MUC6: variants seen among roughly 807,000 people sequenced by gnomAD.
MUC6 encodes the protein mucin 6, oligomeric mucus/gel-forming (gene/pseudogene), also known as mucin-6.
MUC6 carries 188 observed loss-of-function variants against 201.5 expected under a neutral mutation model. The ratio of observed to expected loss-of-function variants is 0.93; its 90% confidence interval spans 0.83 to 1.05. MUC6 has a LOEUF of 1.05. Among genes scored for constraint, MUC6 ranks in the 50% least tolerant of loss-of-function variants. MUC6 has a pLI of 0.00. For synonymous variants in MUC6, 1,228 were observed against 1,389.4 expected (o/e 0.88, Z 2.58); for missense variants, 2,706 against 3,256.9 (o/e 0.83, Z 4.12).
At position 1,013,332 on chromosome 11, in the gene MUC6, A is replaced by C; in HGVS notation, c.*124T>G. Reference sequence around the variant, plus strand: ...GCCCCAGGGAGCCACGGCCCAGGGCACTTGGGGGCCAGGCCTGGTGACCAG... The same window carrying C: ...GCCCCAGGGAGCCACGGCCCAGGGCCCTTGGGGGCCAGGCCTGGTGACCAG... On this transcript the variant is annotated 3_prime_UTR_variant, in exon 33 of 33. Transcript: ENST00000421673. The C allele has an allele frequency of 9.4e-7, 1 of 1,067,568 alleles. No individual in the cohort carries two copies. The highest frequency in any genetic ancestry group is 1.3e-6 in the Non-Finnish European group (1 of 755,934). 66.1% of individuals were successfully genotyped at this position (1,067,568 alleles called of 1,614,324 possible).
In MUC6 at chr11:1,028,678, GT is replaced by G. The variant is rs1156950883; in HGVS notation, c.1558del (p.Thr520LeufsTer61). On this transcript the variant is annotated frameshift_variant, in exon 13 of 33. Coordinates refer to ENST00000421673, the MANE Select transcript of MUC6 (RefSeq NM_005961.3). LOFTEE classifies it high-confidence loss of function. ...QLRPIFQAYV[T>X]VGPQFRGQTR... Reference sequence around the variant, plus strand: ...CTGACCTCTGAACTGGGGCCCAACAGTGACATAGGCCTGGAAGATGGGGCGC... The same window carrying G: ...CTGACCTCTGAACTGGGGCCCAACAGGACATAGGCCTGGAAGATGGGGCGC... The G allele has an allele frequency of 1.2e-6, 2 of 1,610,386 alleles. No individual in the cohort carries two copies. Among genetic ancestry groups the G allele is most frequent in the African/African-American group, 2.7e-5 (2 of 74,908 alleles).
chr11:1,030,171 C>G, intron 8 of MUC6, 42 bp downstream of exon 8: 1 of 1,534,308 alleles, frequency 6.5e-7, no homozygotes, highest in Non-Finnish European at 8.8e-7. Context: ...TGGGTTCTCT[C>G]TAGGGGTCCC....
intron 31 of MUC6, among the ~76,000 whole-genome samples, chr11:1,014,550 C>T (rs1856558195): frequency 6.6e-6 from 1 of 152,222 alleles, no homozygotes; most frequent in Non-Finnish European, 1.5e-5. Flanking sequence ...GACAGCCAGC[C>T]TCAGCGAGAG....
Position 1,027,341 on chromosome 11 carries a change from G to T in MUC6, c.2158C>A (p.Gln720Lys). Residue 720 changes from glutamine to lysine, a missense_variant, in exon 17 of 33, where the codon CAG (glutamine) becomes AAG (lysine). By Grantham distance (53) the Gln-to-Lys change is moderately conservative. Coordinates refer to ENST00000421673, the MANE Select transcript of MUC6 (RefSeq NM_005961.3). ...TAACCCTCCAGTATGCACGGGCACT[G>T]GGCCTTGCGCACACACTCGCCCTTT... ...NQKGECVRKAQCPCILEGYKF... is the reference protein window; with the variant it reads ...NQKGECVRKAKCPCILEGYKF... The T allele has an allele frequency of 6.2e-7, 1 of 1,613,002 alleles. No individual in the cohort carries two copies. Among genetic ancestry groups the T allele is most frequent in the Non-Finnish European group, 8.5e-7 (1 of 1,179,842 alleles).
rs202129868 is a variant in MUC6, at chr11:1,028,410, C to T, written c.1592-23G>A. On this transcript the variant is annotated intron_variant, in intron 13 of 32. Transcript: ENST00000421673. ...GCCCTGAGCCGGCGGGGCGTGAGCT[C>T]GACTTGAACCCATCCCTCCTGCACC... 41 of 1,607,704 alleles carry T rather than the reference C, an allele frequency of 2.6e-5. No individual in the cohort carries two copies. In the African/African-American group the frequency reaches 3.3e-4, roughly 13 times the overall value.
chr11:1,025,176 C>T lies in MUC6; in HGVS notation c.2985+6G>A, dbSNP rs767631313. On this transcript the variant is annotated splice_donor_region_variant and intron_variant, in intron 23 of 32. Transcript: ENST00000421673. ...GGCCTGGGAGGAGGCAGAGGGCGTG[C>T]GGTACCTGGGAGGCACGGGCGATCC... 2.7e-5 allele frequency: 44 copies of T among 1,610,446 alleles called. No individual in the cohort carries two copies. In the East Asian group the frequency reaches 5.1e-4, roughly 19 times the overall value.
chr11:1,019,139 C>G, intron 30 of MUC6, 136 bp downstream of exon 30: 4 of 1,082,536 alleles, frequency 3.7e-6, no homozygotes, highest in Admixed American at 4.5e-5. Context: ...CAGCTCCAGC[C>G]TACACTTTTG....
Position 1,013,077 on chromosome 11 carries a change from T to G in MUC6, c.*379A>C. ...CCGTGCCCTCCTCGCCCCTGATGGGTCTGGTCGAGCGCCTGCTCTGTGGCT... is the reference window on the plus strand; with the variant it reads ...CCGTGCCCTCCTCGCCCCTGATGGGGCTGGTCGAGCGCCTGCTCTGTGGCT... On this transcript the variant is annotated 3_prime_UTR_variant, in exon 33 of 33. Transcript: ENST00000421673. 2 of 238,324 alleles carry G rather than the reference T, an allele frequency of 8.4e-6. No homozygotes were observed. The highest frequency in any genetic ancestry group is 1.6e-5 in the Non-Finnish European group (2 of 122,934). The allele number at this position is 238,324 out of a possible 1,614,324, so 14.8% of individuals were successfully genotyped here.
At chr11:1,022,262 G>A (rs938466427) in intron 26 of MUC6, among the ~76,000 whole-genome samples, 11 of 83,496 alleles carry the variant, frequency 1.3e-4, no homozygotes, top group African/African-American at 2.4e-4. Context: ...GCAGCCCCGC[G>A]CCCCACTCGC....
Position 1,028,247 on chromosome 11 carries a change from A to AG in MUC6, c.1731dup (p.Cys578LeufsTer90). On this transcript the variant is annotated frameshift_variant, in exon 14 of 33. Transcript: ENST00000421673. LOFTEE classifies it high-confidence loss of function. ...TCACTGTTGAGCTGGCTCATGGAGC[A>AG]GGGGTCAGTCTCACGCTCCAGAGCG... The AG allele has an allele frequency of 1.9e-6, 3 of 1,585,352 alleles. No homozygotes were observed. Among genetic ancestry groups the AG allele is most frequent in the South Asian group, 1.1e-5 (1 of 87,006 alleles).
chr11:1,033,171 C>T lies in MUC6; in HGVS notation c.53-96G>A. 1.6e-6 allele frequency: 2 copies of T among 1,256,648 alleles called. No homozygotes were observed. Among genetic ancestry groups the T allele is most frequent in the Admixed American group, 1.7e-5 (1 of 57,858 alleles). The allele number at this position is 1,256,648 out of a possible 1,614,324, so 77.8% of individuals were successfully genotyped here. A position where few individuals can be genotyped will look rare whatever the true frequency, so the allele number is the denominator to read the frequency against. ...CAGGGCTGCTCCGCCCGTTTCCCTGCACACACTCGGCGTGCGAGAAGTGTC... is the reference window on the plus strand; with the variant it reads ...CAGGGCTGCTCCGCCCGTTTCCCTGTACACACTCGGCGTGCGAGAAGTGTC... On this transcript the variant is annotated intron_variant, in intron 1 of 32. Coordinates refer to ENST00000421673, the MANE Select transcript of MUC6 (RefSeq NM_005961.3). This position sits in a 1 kb window ranked among gnomAD's most constrained non-coding sequence, Gnocchi z 5.6.
chr11:1,026,577 C>G, intron 19 of MUC6, 99 bp from the exon 20 acceptor site: 1 of 1,330,238 alleles, frequency 7.5e-7, no homozygotes, highest in Non-Finnish European at 9.9e-7. Flanking sequence ...TCTCCCAGGT[C>G]CTCTCCCTGA....
rs911953288 is a variant in MUC6 at position 1,028,710 on chromosome 11, G to A, written c.1527C>T (p.Val509=). ...MATSFGLELV[V]QLRPIFQAYV... ...AGGCCTGGAAGATGGGGCGCAGCTG[G>A]ACCACGAGCTCCAGCCCGAAGCTGG... Residue 509 remains valine, a synonymous_variant, in exon 13 of 33, where the codon GTC becomes GTT. Transcript: ENST00000421673. 12 of 1,611,862 alleles carry A rather than the reference G, an allele frequency of 7.4e-6. No individual in the cohort carries two copies. The African/African-American group carries it at 1.5e-4, about 20-fold the overall frequency.
At chr11:1,021,030 A>T (rs1287529386) in intron 27 of MUC6, among the ~76,000 whole-genome samples, 185 bp downstream of exon 27, 1 of 152,150 alleles carries the variant, frequency 6.6e-6, no homozygotes, top group Non-Finnish European at 1.5e-5. Context: ...CTCTGCTGCC[A>T]TGGGCTGGAG....
intron 8 of MUC6, 80 bp downstream of exon 8, chr11:1,030,133 T>C: frequency 7.5e-7 from 1 of 1,337,782 alleles, no homozygotes; most frequent in African/African-American, 1.8e-5. Context: ...TGGGTCGGGG[T>C]GGGTGGGGTC....
Position 1,015,943 on chromosome 11 carries a change from C to A in MUC6, c.6858G>T (p.Val2286=). Residue 2286 remains valine (V), a synonymous_variant, in exon 31 of 33, where the codon GTG becomes GTT. Transcript: ENST00000421673. ...TACCCGTCACCCCCGAGGTGAGTGA[C>A]ACAAAGCCTGATGTGGGAACTCGGG... is the stretch of plus-strand genomic sequence containing the variant. The part of the protein sequence containing the change: ...LTTRVPTSGF[V]SLTSGVTGIP... 1 of 1,594,730 alleles carries A rather than the reference C, an allele frequency of 6.3e-7. No homozygotes were observed. Among genetic ancestry groups the A allele is most frequent in the Non-Finnish European group, 8.6e-7 (1 of 1,168,238 alleles).
chr11:1,036,569 C>T, intron 1 of MUC6, 35 bp downstream of exon 1: 2 of 1,548,240 alleles, frequency 1.3e-6, no homozygotes, highest in Non-Finnish European at 1.7e-6. Context: ...CCTCTGAGGG[C>T]ACCGCAGTGT....
Position 1,029,154 on chromosome 11 carries a change from C to T in MUC6, c.1276-4G>A, listed in dbSNP as rs374964505. On this transcript the variant is annotated splice_region_variant and splice_polypyrimidine_tract_variant and intron_variant, in intron 10 of 32. Coordinates refer to ENST00000421673, the MANE Select transcript of MUC6 (RefSeq NM_005961.3). ...CGTCCTCGGGAAGCTGGGGGCTCTGCGAGGGGGCGGGGCTCAGACACGGGT... is the reference window on the plus strand; with the variant it reads ...CGTCCTCGGGAAGCTGGGGGCTCTGTGAGGGGGCGGGGCTCAGACACGGGT... 1.4e-5 allele frequency: 22 copies of T among 1,610,130 alleles called. No individual in the cohort carries two copies. The African/African-American group carries it at 1.5e-4, about 11-fold the overall frequency.
rs1857067284 is a variant in MUC6 at position 1,030,215 on chromosome 11, T to C, written c.1013A>G (p.Glu338Gly). 6.5e-7 allele frequency: 1 copy of C among 1,549,506 alleles called. No homozygotes were observed. Among genetic ancestry groups the C allele is most frequent in the African/African-American group, 1.4e-5 (1 of 73,090 alleles). The change falls in exon 8 of 33, where the codon GAA (glutamate) becomes GGA (glycine). Residue 338 changes from glutamate to glycine, a missense_variant and splice_region_variant. Around this residue, in one of 10 missense-constraint regions of MUC6, gnomAD observed 1,850 missense variants for 1,958.3 expected, o/e 0.94. Coordinates refer to ENST00000421673, the MANE Select transcript of MUC6 (RefSeq NM_005961.3). The part of the protein sequence containing the change: ...SSCTFGCFCP[E>G]GTVLNDLSNN... Reference sequence around the variant, plus strand: ...AGAGTGCCTGCGACTGCCCTCACCTTCCGGGCAGAAGCACCCGAAGGTGCA... The same window carrying C: ...AGAGTGCCTGCGACTGCCCTCACCTCCCGGGCAGAAGCACCCGAAGGTGCA...
Sources: gnomAD v4.1 joint callset for allele counts (sites outside exome capture counted in the v4.1 genomes callset) on GRCh38, gnomAD v4.1.1 for gene constraint, gnomAD v4.1.1 regional missense constraint, Gnocchi (gnomAD v3.1) non-coding constraint, MANE v1.5 for transcripts, NCBI Gene and HGNC (gene_info 2026-07-23, HGNC 2026-07-21) for gene names.